APPL2: variants seen among roughly 807,000 people sequenced by gnomAD.
The protein encoded by APPL2 is DCC-interacting protein 13-beta.
APPL2 carries 84 observed loss-of-function variants against 92.7 expected under a neutral mutation model. The observed-to-expected ratio is 0.91, with a 90% CI of 0.76 to 1.09. The LOEUF is 1.09. APPL2 is among the 50% of genes least tolerant of loss of function. The pLI is 0.00. For missense variants in APPL2, 736 were observed against 824.5 expected (o/e 0.89, Z 1.31); for synonymous variants, 291 against 291.0 (o/e 1.00, Z 0.00).
intron 4 of APPL2, 45 bp downstream of exon 4, chr12:105,217,024 G>T: frequency 7.1e-7 from 1 of 1,401,784 alleles, no homozygotes; most frequent in Non-Finnish European, 9.9e-7. Flanking sequence ...ACAAAAGAAA[G>T]TTCGAGAAAG....
At chr12:105,204,642 T>C (rs915273040) in intron 8 of APPL2, among the ~76,000 whole-genome samples, 2 of 152,168 alleles carry the variant, frequency 1.3e-5, no homozygotes, top group African/African-American at 4.8e-5. Context: ...GTATTAATCA[T>C]TTAATATCAT....
intron 12 of APPL2, 38 bp from the exon 13 acceptor site, chr12:105,195,539 G>A: frequency 1.9e-6 from 3 of 1,614,126 alleles, no homozygotes; most frequent in Admixed American, 3.3e-5. Context: ...GAATCCCAAA[G>A]TCACCCACCA....
At chr12:105,194,500 G>C (rs1414030163) in intron 14 of APPL2, among the ~76,000 whole-genome samples, 3 of 152,122 alleles carry the variant, frequency 2.0e-5, no homozygotes, top group Non-Finnish European at 4.4e-5. Flanking sequence ...AGACCAGCCT[G>C]GCTAACATAG....
At position 105,197,865 on chromosome 12, in the gene APPL2, C is replaced by G. The variant is rs747083649; in HGVS notation, c.952G>C (p.Ala318Pro). The change falls in exon 11 of 21, where the codon GCT becomes CCT. Residue 318 changes from alanine (A) to proline (P), a missense_variant. Ala to Pro is a conservative substitution (Grantham distance 27). Coordinates refer to ENST00000258530, the MANE Select transcript of APPL2 (RefSeq NM_018171.5). ...TCCAGGTCCTGGATCAAACCTCCAG[C>G]CACGGCTCCCCTGGGCTGACACATG... The part of the protein sequence containing the change: ...NLMCQPRGAV[A>P]GGLIQDLDNC... 3 of 1,614,078 alleles carry G rather than the reference C, an allele frequency of 1.9e-6. No homozygotes were observed. Among genetic ancestry groups the G allele is most frequent in the Non-Finnish European group, 2.5e-6 (3 of 1,180,052 alleles).
At chr12:105,212,118 C>CAA (rs5800657) in intron 4 of APPL2, among the ~76,000 whole-genome samples, 30,108 of 72,326 alleles carry the variant, frequency 0.42, 7,015 homozygotes, top group East Asian at 0.59. Context: ...GACTCCATCT[C>CAA]AAAAAAAAAA....
In APPL2 at chr12:105,174,107, TA is replaced by T; in HGVS notation, c.*206del. On this transcript the variant is annotated 3_prime_UTR_variant, in exon 21 of 21. Coordinates refer to ENST00000258530, the MANE Select transcript of APPL2 (RefSeq NM_018171.5). Reference sequence around the variant, plus strand: ...GAAAAAAGACTTACCACAAAGCACCTAAAATAACATTGTAGATGGGTGGGAA... The same window carrying T: ...GAAAAAAGACTTACCACAAAGCACCTAAATAACATTGTAGATGGGTGGGAA... The T allele has an allele frequency of 1.9e-6, 1 of 529,932 alleles. No homozygotes were observed. Among genetic ancestry groups the T allele is most frequent in the Non-Finnish European group, 3.1e-6 (1 of 323,526 alleles). 32.8% of individuals were successfully genotyped at this position (529,932 alleles called of 1,614,324 possible).
chr12:105,203,839 AC>A, intron 8 of APPL2, 54 bp from the exon 9 acceptor site: 1 of 1,495,978 alleles, frequency 6.7e-7, no homozygotes, highest in Admixed American at 1.7e-5. Flanking sequence ...TGATCAGTGA[AC>A]TCACTGAAGG....
At chr12:105,202,258 C>T (rs1056721625) in intron 9 of APPL2, among the ~76,000 whole-genome samples, 5 of 152,148 alleles carry the variant, frequency 3.3e-5, no homozygotes, top group African/African-American at 7.2e-5. Flanking sequence ...CCATGTAGCC[C>T]GGGCGCAGAC....
chr12:105,211,964 CA>C (rs1203886610), intron 4 of APPL2, among the ~76,000 whole-genome samples: 1 of 151,712 alleles, frequency 6.6e-6, no homozygotes. Flanking sequence ...ACTAAAAATA[CA>C]AAAAATTAGC....
chr12:105,231,320 G>C (rs1315797330), intron 1 of APPL2, among the ~76,000 whole-genome samples: 1 of 152,222 alleles, frequency 6.6e-6, no homozygotes, highest in African/African-American at 2.4e-5. Context: ...GGGTTTGCAT[G>C]AATGTCCTCC....
At chr12:105,199,807 CT>C (rs934531134) in intron 9 of APPL2, among the ~76,000 whole-genome samples, 9 of 151,376 alleles carry the variant, frequency 5.9e-5, no homozygotes, top group African/African-American at 1.9e-4. Flanking sequence ...GCTACACAGT[CT>C]TTTTTTTTGT....
chr12:105,188,757 T>C (rs1335963501), intron 16 of APPL2, among the ~76,000 whole-genome samples: 1 of 152,228 alleles, frequency 6.6e-6, no homozygotes, highest in Non-Finnish European at 1.5e-5. Context: ...TTGTACCTTT[T>C]CTCTGAAAAG....
Position 105,236,077 on chromosome 12 carries a change from G to C in APPL2, c.-65C>G. ...AGAGGGCAGGAGACGCGGCGGCCGA[G>C]AGCACTCCCCGGCTCTGGGCTCAGG... On this transcript the variant is annotated 5_prime_UTR_variant, in exon 1 of 21. Transcript: ENST00000258530. The C allele has an allele frequency of 8.6e-7, 1 of 1,161,532 alleles. No individual in the cohort carries two copies. The highest frequency in any genetic ancestry group is 1.6e-5 in the African/African-American group (1 of 62,318). 72.0% of individuals were successfully genotyped at this position (1,161,532 alleles called of 1,614,324 possible).
chr12:105,225,268 C>T (rs1245293701), intron 2 of APPL2, among the ~76,000 whole-genome samples: 2 of 152,134 alleles, frequency 1.3e-5, no homozygotes, highest in East Asian at 1.9e-4. Context: ...TGCCAGGTTT[C>T]GTGAATACCG....
chr12:105,233,062 T>C (rs1349366333), intron 1 of APPL2: 1 of 981,866 alleles, frequency 1.0e-6, no homozygotes, highest in African/African-American at 1.7e-5. Context: ...GCTGTTGTCT[T>C]CACCTTACCT....
At chr12:105,199,826 A>AT (rs1051533975) in intron 9 of APPL2, among the ~76,000 whole-genome samples, 54 of 148,448 alleles carry the variant, frequency 3.6e-4, no homozygotes, top group South Asian at 1.7e-3. Context: ...TGTTGTTTTT[A>AT]TTTTTTTTTT....
chr12:105,190,636 A>G (rs1410799238), intron 14 of APPL2, among the ~76,000 whole-genome samples: 1 of 151,844 alleles, frequency 6.6e-6, no homozygotes, highest in Non-Finnish European at 1.5e-5. Flanking sequence ...CCTTATTTCC[A>G]TCTTTATCCC....
rs1240725855 is a variant in APPL2 at position 105,173,593 on chromosome 12, C to G, written c.*721G>C. ...AAACAGGAACTGGTAGAGCTGCACC[C>G]TGTCCACAGTGATCCACTACTAAAA... On this transcript the variant is annotated 3_prime_UTR_variant, in exon 21 of 21. Coordinates refer to ENST00000258530, the MANE Select transcript of APPL2 (RefSeq NM_018171.5). The G allele has an allele frequency of 6.6e-6, 1 of 152,664 alleles. No homozygotes were observed. The highest frequency in any genetic ancestry group is 6.5e-5 in the Admixed American group (1 of 15,284). 9.5% of individuals were successfully genotyped at this position (152,664 alleles called of 1,614,324 possible).
intron 2 of APPL2, among the ~76,000 whole-genome samples, chr12:105,223,364 GC>G: frequency 6.6e-6 from 1 of 152,318 alleles, no homozygotes; most frequent in African/African-American, 2.4e-5. Context: ...AAGTGATCTT[GC>G]CCAGGGAGTG....
Sources: allele counts gnomAD v4.1 joint callset (sites outside exome capture counted in the v4.1 genomes callset), GRCh38; gene constraint gnomAD v4.1.1; transcripts MANE v1.5; gene names NCBI Gene and HGNC (gene_info 2026-07-23, HGNC 2026-07-21).